WWOX: variants seen among roughly 807,000 people sequenced by gnomAD.
WWOX encodes WW domain-containing oxidoreductase.
Under a neutral mutation model 46.2 loss-of-function variants are expected in WWOX, and 69 were observed. That is an observed-to-expected ratio of 1.49 (90% CI 1.23 to 1.82). The LOEUF is 1.82. Ranked by LOEUF, WWOX falls within the 40% of genes most tolerant of loss-of-function variation. The pLI is 0.00. For synonymous variants in WWOX, 359 were observed against 202.6 expected, an observed-to-expected ratio of 1.77 and a Z score of -6.56; for missense variants, 919 against 542.6, an observed-to-expected ratio of 1.69 and a Z score of -6.89.
At position 78,740,939 on chromosome 16, in the gene WWOX, A is replaced by G. The variant is rs150662120; in HGVS notation, c.1056+308187A>G. Among the ~76,000 whole-genome samples the G allele has an allele frequency of 5.4e-4, 82 of 152,240 alleles. 1 individual carries two copies. The highest frequency in any genetic ancestry group is 1.9e-3 in the African/African-American group (79 of 41,542). ...AAAAATAAGAGTTTATTTTTTCACT[A>G]TGTCACATTGTTGGAGAACTGTGCA... On this transcript the variant is annotated intron_variant, in intron 8 of 8. Transcript: ENST00000566780.
intron 8 of WWOX, among the ~76,000 whole-genome samples, chr16:78,599,755 G>T (rs185612896): frequency 3.3e-5 from 5 of 152,046 alleles, no homozygotes; most frequent in Non-Finnish European, 5.9e-5. Flanking sequence ...TGTTACCCCC[G>T]GGAGACTGGG....
intron 8 of WWOX, among the ~76,000 whole-genome samples, chr16:78,708,155 C>A (rs1010251895): frequency 6.6e-6 from 1 of 152,094 alleles, no homozygotes; most frequent in Non-Finnish European, 1.5e-5. Flanking sequence ...TGCACCATTG[C>A]ATTCCAGCCA....
chr16:79,108,711 G>A (rs536782566), intron 8 of WWOX, among the ~76,000 whole-genome samples: 82 of 152,152 alleles, frequency 5.4e-4, no homozygotes, highest in African/African-American at 1.7e-3. Context: ...AGACCAGCCC[G>A]GGCAACACAG....
At chr16:79,068,551 C>G (rs1292133517) in intron 8 of WWOX, among the ~76,000 whole-genome samples, 2 of 151,952 alleles carry the variant, frequency 1.3e-5, no homozygotes, top group Non-Finnish European at 2.9e-5. Flanking sequence ...TGCCTGTAAT[C>G]TCAACGCTTT....
At chr16:79,008,295 C>T (rs980224659) in intron 8 of WWOX, among the ~76,000 whole-genome samples, 2 of 152,190 alleles carry the variant, frequency 1.3e-5, no homozygotes, top group Non-Finnish European at 2.9e-5. Context: ...GAGTCACTCT[C>T]TTCAGTGAGG....
At chr16:78,777,804 TGGGAGGCCG>T (rs1307948545) in intron 8 of WWOX, among the ~76,000 whole-genome samples, 1 of 152,076 alleles carries the variant, frequency 6.6e-6, no homozygotes, top group Non-Finnish European at 1.5e-5. Flanking sequence ...CCCAGCACTT[TGGGAGGCCG>T]GGGCAGGCAG....
At chr16:79,198,739 C>T (rs916358626) in intron 8 of WWOX, among the ~76,000 whole-genome samples, 1 of 152,176 alleles carries the variant, frequency 6.6e-6, no homozygotes, top group African/African-American at 2.4e-5. Flanking sequence ...TTTGATTCCA[C>T]ATTGGTTAGA....
intron 8 of WWOX, among the ~76,000 whole-genome samples, chr16:78,583,423 C>G (rs560373960): frequency 1.3e-5 from 2 of 152,276 alleles, no homozygotes; most frequent in East Asian, 1.9e-4. Context: ...GTGGTATCTT[C>G]AAAGGAATTT....
intron 8 of WWOX, among the ~76,000 whole-genome samples, chr16:79,195,823 A>C (rs569026229): frequency 1.3e-5 from 2 of 152,360 alleles, no homozygotes; most frequent in African/African-American, 4.8e-5. Context: ...TTGACATTGT[A>C]GATGCAAATG....
chr16:78,679,715 T>G (rs2047685547), intron 8 of WWOX, among the ~76,000 whole-genome samples: 2 of 152,248 alleles, frequency 1.3e-5, no homozygotes, highest in South Asian at 2.1e-4. Flanking sequence ...CTCCTTATTT[T>G]TAAGTGGAAA....
chr16:78,844,326 A>C (rs913439291), intron 8 of WWOX, among the ~76,000 whole-genome samples: 1 of 152,180 alleles, frequency 6.6e-6, no homozygotes, highest in Non-Finnish European at 1.5e-5. Flanking sequence ...TCCTTTTGAA[A>C]CATGGAGAAA....
At chr16:79,194,382 C>T (rs1380675541) in intron 8 of WWOX, among the ~76,000 whole-genome samples, 1 of 152,104 alleles carries the variant, frequency 6.6e-6, no homozygotes, top group Admixed American at 6.6e-5. Flanking sequence ...TACCTGGAAC[C>T]CCTCTCAGTG....
At chr16:79,044,627 C>T (rs1362092841) in intron 8 of WWOX, among the ~76,000 whole-genome samples, 1 of 152,202 alleles carries the variant, frequency 6.6e-6, no homozygotes, top group Non-Finnish European at 1.5e-5. Context: ...GCCTGTGGAA[C>T]TATGAGCCAA....
chr16:78,503,292 C>T (rs1013855433), intron 8 of WWOX, among the ~76,000 whole-genome samples: 2 of 152,086 alleles, frequency 1.3e-5, no homozygotes, highest in African/African-American at 4.8e-5. Context: ...TTTCACTGAA[C>T]TGAAAATAAG....
intron 5 of WWOX, among the ~76,000 whole-genome samples, chr16:78,345,639 C>CAAAAAA (rs1193432164): frequency 8.0e-5 from 2 of 25,018 alleles, no homozygotes; most frequent in East Asian, 1.1e-3. Context: ...GACCCTGTCT[C>CAAAAAA]AAAAAAAAAA....
chr16:78,327,869 A>ATTTTT (rs762650030), intron 5 of WWOX, among the ~76,000 whole-genome samples: 4 of 81,082 alleles, frequency 4.9e-5, no homozygotes, highest in African/African-American at 1.1e-4. Flanking sequence ...ATGAGTCCTG[A>ATTTTT]TTTTTTTTTT....
intron 5 of WWOX, among the ~76,000 whole-genome samples, chr16:78,324,052 T>A (rs2080552607): frequency 6.6e-6 from 1 of 152,114 alleles, no homozygotes; most frequent in East Asian, 1.9e-4. Flanking sequence ...AAAAATCAAT[T>A]TACAGGTAGT....
intron 3 of WWOX, 32 bp downstream of exon 3, chr16:78,109,867 G>T (rs774748393): frequency 6.2e-7 from 1 of 1,613,508 alleles, no homozygotes; most frequent in Admixed American, 1.7e-5. Context: ...ACTCTCAGCT[G>T]TTTTGCTTTT....
At position 78,910,630 on chromosome 16, in the gene WWOX, C is replaced by T. The variant is rs7191755; in HGVS notation, c.1057-300978C>T. ...TTAATGGACTCACAATTCCACATGG[C>T]GGTGGAGGTGTCACCATTATGGCAG... On this transcript the variant is annotated intron_variant, in intron 8 of 8. Coordinates refer to ENST00000566780, the MANE Select transcript of WWOX (RefSeq NM_016373.4). 9.3e-3 allele frequency among the ~76,000 whole-genome samples: 1,420 copies of T among 151,924 alleles called. 24 individuals carry two copies. Among genetic ancestry groups the T allele is most frequent in the African/African-American group, 0.032 (1,325 of 41,480 alleles).
Sources: gnomAD v4.1 joint callset for allele counts (sites outside exome capture counted in the v4.1 genomes callset) on GRCh38, gnomAD v4.1.1 for gene constraint, MANE v1.5 for transcripts, NCBI Gene and HGNC (gene_info 2026-07-23, HGNC 2026-07-21) for gene names.